RIBC1: variants seen among roughly 807,000 people sequenced by gnomAD.
RIBC1 encodes RIB43A-like with coiled-coils protein 1.
Under a neutral mutation model 33.7 loss-of-function variants are expected in RIBC1, and 12 were observed. That is an observed-to-expected ratio of 0.36 (90% confidence interval 0.23 to 0.58). The LOEUF (loss-of-function observed/expected upper bound fraction) is 0.58. Ranked by LOEUF, RIBC1 falls within the 20% of genes least tolerant of loss-of-function variation. RIBC1 has a pLI of 0.81. For synonymous variants in RIBC1, 89 were observed against 109.0 expected (o/e 0.82, Z 1.14); for missense variants, 242 against 311.6 (o/e 0.78, Z 1.68).
Position 53,430,684 on chromosome X carries a change from G to A in RIBC1, c.952G>A (p.Ala318Thr). The change falls in exon 7 of 8, where the codon GCC becomes ACC. Residue 318 changes from alanine (A) to threonine (T), a missense_variant. Physicochemically the swap from Ala to Thr is moderately conservative, Grantham distance 58. Transcript: ENST00000375327. ...ATGGAAAAGCCAGACCATGAGCTCA[G>A]CCCAGGCAGTGCTGGAGCTAGAAGA... ...TEWKSQTMSSAQAVLELEEQE... is the reference protein window; with the variant it reads ...TEWKSQTMSSTQAVLELEEQE... 8.3e-7 allele frequency: 1 copy of A among 1,205,676 alleles called. No homozygotes were observed.
chrX:53,428,247 G>A (rs1328417957), intron 4 of RIBC1, 36 bp from the exon 5 acceptor site: 1 of 1,201,450 alleles, frequency 8.3e-7, no homozygotes, highest in Non-Finnish European at 1.1e-6. Context: ...GTCCCTCCTG[G>A]GGTATCTTCT....
chrX:53,430,627 C>T lies in RIBC1; in HGVS notation c.895C>T (p.His299Tyr). 2 of 1,205,627 alleles carry T rather than the reference C, an allele frequency of 1.7e-6. No individual in the cohort carries two copies. Residue 299 changes from histidine (H) to tyrosine (Y), a missense_variant, in exon 7 of 8, where the codon CAC (histidine) becomes TAC (tyrosine). His to Tyr is a moderately conservative substitution (Grantham distance 83). Coordinates refer to ENST00000375327, the MANE Select transcript of RIBC1 (RefSeq NM_001031745.5). ...AGTACAACGCTCTAAGAAGCAAGCA[C>T]ACCGTCAGGCTGAGAAAACACTGGA... Reference protein sequence around the residue: ...QEVQRSKKQAHRQAEKTLDTE... With the variant: ...QEVQRSKKQAYRQAEKTLDTE...
In RIBC1 at chrX:53,426,323, T is replaced by C. The variant is rs781798588; in HGVS notation, c.47T>C (p.Ile16Thr). 6 of 1,207,948 alleles carry C rather than the reference T, an allele frequency of 5.0e-6. No individual in the cohort carries two copies. The East Asian group carries it at 1.8e-4, about 36-fold the overall frequency. The change falls in exon 3 of 8, where the codon ATC (isoleucine) becomes ACC (threonine). Residue 16 changes from isoleucine (I) to threonine (T), a missense_variant. Ile to Thr is a moderately conservative substitution (Grantham distance 89, BLOSUM62 -1). Transcript: ENST00000375327. ...QSTDTKEAAA[I>T]EARRNREKER... Reference sequence around the variant, plus strand: ...ACAGATACCAAGGAAGCAGCAGCCATCGAGGCTAGAAGAAATCGAGAAAAA... The same window carrying C: ...ACAGATACCAAGGAAGCAGCAGCCACCGAGGCTAGAAGAAATCGAGAAAAA...
At chrX:53,430,338 T>C in intron 6 of RIBC1, 58 bp from the exon 7 acceptor site, 1 of 1,003,241 alleles carries the variant, frequency 1.0e-6, no homozygotes, top group Non-Finnish European at 1.4e-6. Flanking sequence ...CCCCCTCCCC[T>C]GTGACAGAGT....
At position 53,429,443 on chromosome X, in the gene RIBC1, T is replaced by C. The variant is rs181353597; in HGVS notation, c.545-411T>C. On this transcript the variant is annotated intron_variant, in intron 5 of 7. Coordinates refer to ENST00000375327, the MANE Select transcript of RIBC1 (RefSeq NM_001031745.5). The stretch of plus-strand genomic sequence containing the variant: ...TCCAAAACCCTCTTAATACCCTGTG[T>C]ACATCCCTGCCATTGCTCTTGCCAG... 115 of 136,282 alleles carry C rather than the reference T, an allele frequency of 8.4e-4. 3 individuals carry two copies. Among genetic ancestry groups the C allele is most frequent in the Non-Finnish European group, 1.6e-4 (11 of 67,541 alleles). The allele number at this position is 136,282 out of a possible 1,213,427, so 11.2% of individuals were successfully genotyped here.
intron 3 of RIBC1, among the ~76,000 whole-genome samples, chrX:53,427,579 A>G (rs781852242): frequency 4.4e-4 from 50 of 112,402 alleles, no homozygotes; most frequent in Non-Finnish European, 8.3e-4. Context: ...GCGAACATCA[A>G]TATAATGTAG....
intron 3 of RIBC1, among the ~76,000 whole-genome samples, chrX:53,426,676 G>C (rs1485685345): frequency 8.9e-6 from 1 of 111,860 alleles, no homozygotes; most frequent in Non-Finnish European, 1.9e-5. Flanking sequence ...GCAACATGGA[G>C]CTAAAAGAGG....
At position 53,429,795 on chromosome X, in the gene RIBC1, T is replaced by C. The variant is rs1556893842; in HGVS notation, c.545-59T>C. The C allele has an allele frequency of 2.6e-6, 3 of 1,164,350 alleles. No homozygotes were observed. The East Asian group carries it at 9.1e-5, about 35-fold the overall frequency. ...AAAACTTGCTGAACAAATGGCTGGA[T>C]GAGTGAAACAGGAATGGAGCAAGCC... On this transcript the variant is annotated intron_variant, in intron 5 of 7. Transcript: ENST00000375327.
chrX:53,425,515 TAAAAAAAAAAA>T (rs782760749), intron 2 of RIBC1, among the ~76,000 whole-genome samples: 1 of 25,861 alleles, frequency 3.9e-5, no homozygotes. Flanking sequence ...GTAATAAAAG[TAAAAAAAAAAA>T]AAAAAAAAAA....
intron 2 of RIBC1, among the ~76,000 whole-genome samples, chrX:53,423,867 CCAG>C (rs1245517727): frequency 9.9e-5 from 11 of 111,446 alleles, no homozygotes; most frequent in African/African-American, 3.6e-4. Context: ...TCACTTGAGA[CCAG>C]CAGTTCAAGA....
intron 5 of RIBC1, 38 bp downstream of exon 5, chrX:53,428,665 C>T: frequency 8.3e-7 from 1 of 1,203,434 alleles, no homozygotes; most frequent in Non-Finnish European, 1.1e-6. Context: ...AGACCTGAGG[C>T]CTAGTGGGGA....
chrX:53,427,088 A>T (rs1293702403), intron 3 of RIBC1, among the ~76,000 whole-genome samples: 1 of 112,759 alleles, frequency 8.9e-6, no homozygotes. Flanking sequence ...ACTAAACTGT[A>T]TTCCTTTTTG....
Position 53,426,378 on chromosome X carries a change from GA to G in RIBC1, c.104del (p.Asn35ThrfsTer11). ...ERQNRFFNVRNRVMGVDVQAL... is the reference protein window; with the variant it reads ...ERQNRFFNVRXRVMGVDVQAL... ...GACAAAACCGATTCTTCAATGTGCG[GA>G]ACCGAGTCATGGGGGTGAGTGGGTA... is the stretch of plus-strand genomic sequence containing the variant. On this transcript the variant is annotated frameshift_variant, in exon 3 of 8. Transcript: ENST00000375327. LOFTEE classifies it high-confidence loss of function. 2 of 1,193,585 alleles carry G rather than the reference GA, an allele frequency of 1.7e-6. No homozygotes were observed. The highest frequency in any genetic ancestry group is 2.3e-6 in the Non-Finnish European group (2 of 881,621).
chrX:53,424,725 G>C (rs1556892862), intron 2 of RIBC1, among the ~76,000 whole-genome samples: 3 of 109,127 alleles, frequency 2.7e-5, no homozygotes, highest in Non-Finnish European at 1.9e-5. Context: ...AATTAAATTG[G>C]ATCCTTATCT....
At chrX:53,426,607 G>A (rs1363859036) in intron 3 of RIBC1, among the ~76,000 whole-genome samples, 2 of 111,955 alleles carry the variant, frequency 1.8e-5, no homozygotes, top group African/African-American at 6.5e-5. Flanking sequence ...AGAGACTAGG[G>A]GAGACGGCTG....
chrX:53,428,240 C>T (rs1286435803), intron 4 of RIBC1, 43 bp from the exon 5 acceptor site: 3 of 1,198,259 alleles, frequency 2.5e-6, no homozygotes, highest in Non-Finnish European at 3.4e-6. Flanking sequence ...GGACTCTGTC[C>T]CTCCTGGGGT....
rs2075792036 is a variant in RIBC1 at position 53,426,389 on chromosome X, T to C, written c.113T>C (p.Met38Thr). ...TTCTTCAATGTGCGGAACCGAGTCATGGGGGTGAGTGGGTAGTAGGGACTG... is the reference window on the plus strand; with the variant it reads ...TTCTTCAATGTGCGGAACCGAGTCACGGGGGTGAGTGGGTAGTAGGGACTG... ...NRFFNVRNRV[M>T]GVDVQALNNQ... The change falls in exon 3 of 8, where the codon ATG becomes ACG. Residue 38 changes from methionine to threonine, a missense_variant. Coordinates refer to ENST00000375327, the MANE Select transcript of RIBC1 (RefSeq NM_001031745.5). 1 of 1,146,682 alleles carries C rather than the reference T, an allele frequency of 8.7e-7. No homozygotes were observed. The highest frequency in any genetic ancestry group is 1.2e-6 in the Non-Finnish European group (1 of 840,619). The allele number at this position is 1,146,682 out of a possible 1,213,427, so 94.5% of individuals were successfully genotyped here. A position where few individuals can be genotyped will look rare whatever the true frequency, so the allele number is the denominator to read the frequency against.
At position 53,428,522 on chromosome X, in the gene RIBC1, C is replaced by A; in HGVS notation, c.439C>A (p.Leu147Ile). Reference sequence around the variant, plus strand: ...CCTGCAGTACTTCTCTGGGGAAGACCTAGACAGGGACACACGGCTGAGAAT... The same window carrying A: ...CCTGCAGTACTTCTCTGGGGAAGACATAGACAGGGACACACGGCTGAGAAT... ...ASLQYFSGED[L>I]DRDTRLRMQQ... is the part of the protein sequence containing the mutation. Residue 147 changes from leucine to isoleucine, a missense_variant, in exon 5 of 8, where the codon CTA (leucine) becomes ATA (isoleucine). Transcript: ENST00000375327. The A allele has an allele frequency of 1.7e-6, 2 of 1,209,713 alleles. No individual in the cohort carries two copies. The highest frequency in any genetic ancestry group is 2.2e-6 in the Non-Finnish European group (2 of 894,189).
intron 3 of RIBC1, 109 bp downstream of exon 3, chrX:53,426,502 GC>G (rs1199164206): frequency 3.7e-6 from 2 of 544,320 alleles, no homozygotes; most frequent in African/African-American, 4.6e-5. Flanking sequence ...ATTCAAGTAG[GC>G]CCCTAGGGCA....
Sources: allele counts gnomAD v4.1 joint callset (sites outside exome capture counted in the v4.1 genomes callset), GRCh38; gene constraint gnomAD v4.1.1; transcripts MANE v1.5; gene names NCBI Gene and HGNC (gene_info 2026-07-23, HGNC 2026-07-21).